The following ZNF362 variants were observed in gnomAD, a reference collection of about 807,000 sequenced individuals.
The protein encoded by ZNF362 is rotund homolog.
In ZNF362, 11 loss-of-function variants were observed where a neutral mutation model predicts 42.9. That is an observed-to-expected ratio of 0.26 (90% CI 0.16 to 0.42). The LOEUF is 0.42. ZNF362 is among the 20% of genes least tolerant of loss of function. ZNF362 has a pLI of 1.00. For missense variants in ZNF362, 362 were observed against 576.2 expected (o/e 0.63, Z 3.81); for synonymous variants, 255 against 257.3 (o/e 0.99, Z 0.09).
chr1:33,193,381 C>A, the ZNF362 span, among the ~76,000 whole-genome samples: 5 of 152,206 alleles, frequency 3.3e-5, no homozygotes, highest in African/African-American at 1.2e-4. Context: ...TCTTGTGAAA[C>A]TACCTGTGAT....
chr1:33,180,968 C>T, the ZNF362 span: 7 of 464,724 alleles, frequency 1.5e-5, no homozygotes, highest in African/African-American at 4.2e-5. Flanking sequence ...CCACCCCCCG[C>T]CCGGCCCCAC....
At chr1:33,145,878 C>T in the ZNF362 span, 1 of 471,180 alleles carries the variant, frequency 2.1e-6, no homozygotes, top group East Asian at 6.9e-5. Context: ...TGACATTTCC[C>T]AGACTCCCTT....
chr1:33,146,852 A>ATCTGGATGCT, the ZNF362 span: 2 of 382,008 alleles, frequency 5.2e-6, no homozygotes, highest in South Asian at 5.8e-5. Context: ...GCTGGGCTGG[A>ATCTGGATGCT]GGGAGACACT....
At chr1:33,205,278 G>T in the ZNF362 span, among the ~76,000 whole-genome samples, 2 of 152,214 alleles carry the variant, frequency 1.3e-5, no homozygotes, top group South Asian at 4.1e-4. Flanking sequence ...GAGCTCAGAA[G>T]TTCAAGACCA....
chr1:33,218,972 CA>C, the ZNF362 span, among the ~76,000 whole-genome samples: 1 of 149,870 alleles, frequency 6.7e-6, no homozygotes, highest in African/African-American at 2.4e-5. Context: ...CACACACACA[CA>C]CACACACATA....
chr1:33,274,742 AAC>A (rs1645930226), intron 2 of ZNF362, among the ~76,000 whole-genome samples: 1 of 152,232 alleles, frequency 6.6e-6, no homozygotes, highest in South Asian at 2.1e-4. Context: ...TCCCCAGAGG[AAC>A]CAGCTTGAGC....
rs1194919254 is a variant in ZNF362, at chr1:33,293,974, CTTG to C, written c.909-957_909-955del. 2.0e-5 allele frequency among the ~76,000 whole-genome samples: 3 copies of C among 152,320 alleles called. No homozygotes were observed. The East Asian group carries it at 5.8e-4, about 29-fold the overall frequency. ...TTCCCGTCACTCATGGTCTCCCCATCTTGTTGTTTTTCCCACAGAACTTACTAC... is the reference window on the plus strand; with the variant it reads ...TTCCCGTCACTCATGGTCTCCCCATCTTGTTTTTCCCACAGAACTTACTAC... On this transcript the variant is annotated intron_variant, in intron 6 of 8. Transcript: ENST00000539719.
chr1:33,210,390 A>C, the ZNF362 span, among the ~76,000 whole-genome samples: 4 of 152,212 alleles, frequency 2.6e-5, no homozygotes, highest in Non-Finnish European at 5.9e-5. Context: ...GCTGAGAAGA[A>C]TGTATATTCT....
chr1:33,277,626 G>A (rs1164895648), intron 4 of ZNF362, among the ~76,000 whole-genome samples: 4 of 152,312 alleles, frequency 2.6e-5, no homozygotes, highest in Non-Finnish European at 2.9e-5. Flanking sequence ...CAATGCCGTG[G>A]TAGTGGGAAT....
chr1:33,146,893 G>A, the ZNF362 span: 1 of 450,986 alleles, frequency 2.2e-6, no homozygotes, highest in Non-Finnish European at 4.0e-6. Context: ...TGAGAAGATG[G>A]GGATGAGGGT....
At chr1:33,196,515 CA>C in the ZNF362 span, among the ~76,000 whole-genome samples, 2 of 152,178 alleles carry the variant, frequency 1.3e-5, no homozygotes, top group African/African-American at 4.8e-5. Flanking sequence ...GGAAGGTTAT[CA>C]GGGGTAATAA....
chr1:33,257,853 AG>A (rs1557784943), intron 1 of ZNF362, among the ~76,000 whole-genome samples: 3 of 152,086 alleles, frequency 2.0e-5, no homozygotes, highest in African/African-American at 7.2e-5. Context: ...CCCCCCGTGT[AG>A]GCTGGAATCT....
At chr1:33,274,254 T>G (rs10914674) in intron 2 of ZNF362, among the ~76,000 whole-genome samples, 71,692 of 152,122 alleles carry the variant, frequency 0.47, 18,192 homozygotes, top group East Asian at 0.67. Flanking sequence ...ATCTCAGCTC[T>G]CTGCTTACTT....
At chr1:33,158,087 T>A in the ZNF362 span, among the ~76,000 whole-genome samples, 5 of 152,212 alleles carry the variant, frequency 3.3e-5, no homozygotes, top group Non-Finnish European at 7.3e-5. Context: ...TCCACTGAGC[T>A]GAGTGATTGT....
At chr1:33,159,859 A>C in the ZNF362 span, 1 of 1,613,196 alleles carries the variant, frequency 6.2e-7, no homozygotes, top group South Asian at 1.1e-5. The surrounding 1 kb of genome is among the most constrained non-coding windows in gnomAD (Gnocchi z 4.2). Context: ...CAGCTCCTCT[A>C]GCATGGCCTT....
chr1:33,270,664 TG>T, intron 2 of ZNF362, 52 bp downstream of exon 2: 1 of 1,600,182 alleles, frequency 6.2e-7, no homozygotes, highest in Non-Finnish European at 8.5e-7. Flanking sequence ...GTTTGTTCTT[TG>T]GGGGATTAAA....
chr1:33,299,332 C>CT lies in ZNF362; in HGVS notation c.*287dup. On this transcript the variant is annotated 3_prime_UTR_variant, in exon 9 of 9. Transcript: ENST00000539719. ...TGTTCCCCACCCTTCACTTGCTTCA[C>CT]TGTTTTTTTTTTTTTCGTTTTTTTT... 9.1e-5 allele frequency: 15 copies of CT among 164,566 alleles called. No homozygotes were observed. Among genetic ancestry groups the CT allele is most frequent in the Non-Finnish European group, 1.3e-4 (12 of 94,776 alleles). 10.2% of individuals were successfully genotyped at this position (164,566 alleles called of 1,614,324 possible).
the ZNF362 span, among the ~76,000 whole-genome samples, chr1:33,216,866 G>T: frequency 1.3e-5 from 2 of 151,910 alleles, no homozygotes; most frequent in African/African-American, 4.8e-5. Flanking sequence ...GCAAATGGAG[G>T]GTGGGTTCAC....
At chr1:33,296,977 T>C (rs1570414873) in intron 8 of ZNF362, among the ~76,000 whole-genome samples, 2 of 152,006 alleles carry the variant, frequency 1.3e-5, no homozygotes. Context: ...GCAGGGAAGG[T>C]ATTTTTGCAA....
Sources: gnomAD v4.1 joint callset for allele counts (sites outside exome capture counted in the v4.1 genomes callset) on GRCh38, gnomAD v4.1.1 for gene constraint, Gnocchi (gnomAD v3.1) non-coding constraint, MANE v1.5 for transcripts, NCBI Gene and HGNC (gene_info 2026-07-23, HGNC 2026-07-21) for gene names.